The following MROH2A variants were observed in gnomAD, a reference collection of about 807,000 sequenced individuals.
MROH2A encodes maestro heat like repeat family member 2A.
In MROH2A, 174 loss-of-function variants were observed where a neutral mutation model predicts 200.4. The ratio of observed to expected loss-of-function variants is 0.87; its 90% confidence interval spans 0.77 to 0.98. The LOEUF is 0.98. Among genes scored for constraint, MROH2A ranks in the 50% least tolerant of loss-of-function variants. The pLI is 0.00. For synonymous variants in MROH2A, 829 were observed against 840.4 expected, an observed-to-expected ratio of 0.99 and a Z score of 0.23; for missense variants, 2,045 against 2,139.6, an observed-to-expected ratio of 0.96 and a Z score of 0.87.
chr2:233,804,365 C>T (rs1336621432), intron 17 of MROH2A, 130 bp from the exon 18 acceptor site: 3 of 1,306,398 alleles, frequency 2.3e-6, no homozygotes, highest in Non-Finnish European at 3.2e-6. Context: ...GAGTGCAATG[C>T]AACGTGTGAT....
rs1703999414 is a variant in MROH2A, at chr2:233,822,319, G to C, written c.3672+36G>C. On this transcript the variant is annotated intron_variant, in intron 32 of 41. Transcript: ENST00000389758. ...GGCGCAGGCCCCAAGGCTCCTCAGGGGTCTCTGGGTAGGAGCCCGATGCCC... is the reference window on the plus strand; with the variant it reads ...GGCGCAGGCCCCAAGGCTCCTCAGGCGTCTCTGGGTAGGAGCCCGATGCCC... 3 of 1,548,360 alleles carry C rather than the reference G, an allele frequency of 1.9e-6. No individual in the cohort carries two copies. In the East Asian group the frequency reaches 7.3e-5, roughly 38 times the overall value.
At position 233,800,168 on chromosome 2, in the gene MROH2A, A is replaced by G. The variant is rs774173393; in HGVS notation, c.1450-37A>G. 5 of 1,440,854 alleles carry G rather than the reference A, an allele frequency of 3.5e-6. No homozygotes were observed. In the African/African-American group the frequency reaches 7.2e-5, roughly 21 times the overall value. 89.3% of individuals were successfully genotyped at this position (1,440,854 alleles called of 1,614,324 possible). On this transcript the variant is annotated intron_variant, in intron 13 of 41. Transcript: ENST00000389758. ...CCTGAGACCACGACAAACCTCTGCT[A>G]GGCCACAGGTGGGAATCCCTTGGTT... is the stretch of plus-strand genomic sequence containing the variant.
chr2:233,788,030 T>A (rs373189167), intron 3 of MROH2A, among the ~76,000 whole-genome samples: 34 of 41,722 alleles, frequency 8.1e-4, no homozygotes, highest in South Asian at 5.0e-3. Flanking sequence ...ATACATATAT[T>A]ATATATATAC....
intron 3 of MROH2A, among the ~76,000 whole-genome samples, chr2:233,785,626 G>A (rs1701167886): frequency 6.6e-6 from 1 of 152,112 alleles, no homozygotes; most frequent in African/African-American, 2.4e-5. Flanking sequence ...TGTGGTTTCT[G>A]TAGAAAGAAA....
chr2:233,833,229 G>C lies in MROH2A; in HGVS notation c.4995G>C (p.Gly1665=), dbSNP rs1001080593. The C allele has an allele frequency of 3.7e-5, 57 of 1,550,028 alleles. No homozygotes were observed. Among genetic ancestry groups the C allele is most frequent in the Non-Finnish European group, 4.8e-5 (55 of 1,146,882 alleles). The change falls in exon 42 of 42, where the codon GGG becomes GGC. Residue 1665 remains glycine, a synonymous_variant. Coordinates refer to ENST00000389758, the MANE Select transcript of MROH2A (RefSeq NM_001394639.1). The part of the protein sequence containing the change: ...LTVLDSCSQH[G]FLASPQGMS Reference sequence around the variant, plus strand: ...TCTTGGATAGCTGTAGTCAGCATGGGTTTCTGGCTTCACCCCAAGGAATGT... The same window carrying C: ...TCTTGGATAGCTGTAGTCAGCATGGCTTTCTGGCTTCACCCCAAGGAATGT...
chr2:233,832,780 CAG>C (rs1273009970), intron 41 of MROH2A, 136 bp downstream of exon 41: 2 of 665,326 alleles, frequency 3.0e-6, no homozygotes, highest in Non-Finnish European at 2.6e-6. Context: ...GCAACCAGGG[CAG>C]AGAGATGCAC....
Position 233,829,751 on chromosome 2 carries a change from G to T in MROH2A, c.4578G>T (p.Gln1526His). Residue 1526 changes from glutamine (Q) to histidine (H), a missense_variant, in exon 38 of 42, where the codon CAG (glutamine) becomes CAT (histidine). Gln to His is a conservative substitution (Grantham distance 24). Coordinates refer to ENST00000389758, the MANE Select transcript of MROH2A (RefSeq NM_001394639.1). ...GGATCCCCCTCATGCTGCACTCCCA[G>T]GACCCCTGCTCCAATGCAGCCCAAG... Reference protein sequence around the residue: ...KAWIPLMLHSQDPCSNAAQAC... With the variant: ...KAWIPLMLHSHDPCSNAAQAC... The T allele has an allele frequency of 7.0e-7, 1 of 1,430,772 alleles. No homozygotes were observed. The allele number at this position is 1,430,772 out of a possible 1,614,324, so 88.6% of individuals were successfully genotyped here.
chr2:233,817,882 C>T, intron 27 of MROH2A, 120 bp from the exon 28 acceptor site: 6 of 1,250,752 alleles, frequency 4.8e-6, no homozygotes, highest in African/African-American at 1.5e-5. Flanking sequence ...CTCCCCTTCC[C>T]CAAATGGGTG....
rs1167742911 is a variant in MROH2A at position 233,795,957 on chromosome 2, C to A, written c.1060-10C>A. On this transcript the variant is annotated splice_polypyrimidine_tract_variant and intron_variant, in intron 9 of 41. Coordinates refer to ENST00000389758, the MANE Select transcript of MROH2A (RefSeq NM_001394639.1). ...GATCTCCTCCAGCCTCACTGCACGT[C>A]CCTCACCAGGTGTGCAACAAGGCCC... The A allele has an allele frequency of 2.1e-5, 33 of 1,550,172 alleles. No individual in the cohort carries two copies. Among genetic ancestry groups the A allele is most frequent in the Non-Finnish European group, 2.8e-5 (32 of 1,146,788 alleles).
At chr2:233,794,040 G>A (rs970805809) in intron 7 of MROH2A, among the ~76,000 whole-genome samples, 3 of 152,180 alleles carry the variant, frequency 2.0e-5, no homozygotes, top group African/African-American at 2.4e-5. Flanking sequence ...ATGAAGGTTG[G>A]TGATAATCCT....
At chr2:233,819,512 C>T in intron 30 of MROH2A, 43 bp downstream of exon 30, 3 of 1,537,434 alleles carry the variant, frequency 2.0e-6, no homozygotes, top group Non-Finnish European at 2.6e-6. Flanking sequence ...GGGGCTGGGG[C>T]TGCCTGGTGT....
At chr2:233,780,619 T>C (rs1292402813) in intron 3 of MROH2A, among the ~76,000 whole-genome samples, 2 of 152,230 alleles carry the variant, frequency 1.3e-5, no homozygotes, top group Admixed American at 6.5e-5. Flanking sequence ...ATAACAATTG[T>C]ACATATTTAT....
chr2:233,789,833 C>T lies in MROH2A; in HGVS notation c.409-19C>T, dbSNP rs1019014657. ...CCGGCTGGTGGTGGTGCCATATGTCCCTCTTCTGTCTCCTGCAGATGGAGG... is the reference window on the plus strand; with the variant it reads ...CCGGCTGGTGGTGGTGCCATATGTCTCTCTTCTGTCTCCTGCAGATGGAGG... On this transcript the variant is annotated intron_variant, in intron 4 of 41. Transcript: ENST00000389758. The T allele has an allele frequency of 1.3e-6, 2 of 1,542,778 alleles. No individual in the cohort carries two copies. The highest frequency in any genetic ancestry group is 2.7e-5 in the African/African-American group (2 of 72,890).
At chr2:233,827,219 T>A (rs979581732) in intron 35 of MROH2A, among the ~76,000 whole-genome samples, 4 of 152,252 alleles carry the variant, frequency 2.6e-5, no homozygotes, top group Non-Finnish European at 5.9e-5. Flanking sequence ...ATCCCATTAC[T>A]GGGCATATAC....
In MROH2A at chr2:233,831,537, C is replaced by T; in HGVS notation, c.4731C>T (p.Ile1577=). The change falls in exon 39 of 42, where the codon ATC becomes ATT. Residue 1577 remains isoleucine, a synonymous_variant. Coordinates refer to ENST00000389758, the MANE Select transcript of MROH2A (RefSeq NM_001394639.1). The part of the protein sequence containing the change: ...MTVFQTTMCS[I]LTRKKPAVLY... ...TTTTCCAGACAACCATGTGCTCCAT[C>T]CTGGTGAGGAAGCCAAAGGGGGAAC... is the stretch of plus-strand genomic sequence containing the variant. 1 of 1,549,464 alleles carries T rather than the reference C, an allele frequency of 6.5e-7. No homozygotes were observed. Among genetic ancestry groups the T allele is most frequent in the Non-Finnish European group, 8.7e-7 (1 of 1,146,472 alleles).
rs749728843 is a variant in MROH2A, at chr2:233,795,740, G to A, written c.1054G>A (p.Val352Ile). Residue 352 changes from valine (V) to isoleucine (I), a missense_variant, in exon 9 of 42, where the codon GTC (valine) becomes ATC (isoleucine). Val to Ile is a conservative substitution (Grantham distance 29, BLOSUM62 3). This residue lies in a region of MROH2A where 831 missense variants were observed against 800.0 expected (regional missense o/e 1.04). Coordinates refer to ENST00000389758, the MANE Select transcript of MROH2A (RefSeq NM_001394639.1). ...QLHTIFTELH[V>I]QVCNKAPAQH... ...ACACACCATTTTCACAGAACTGCAC[G>A]TCCAGGTGAGGCCAGCAAGCTCAGC... The A allele has an allele frequency of 1.0e-4, 158 of 1,550,950 alleles. No homozygotes were observed. Among genetic ancestry groups the A allele is most frequent in the South Asian group, 5.7e-4 (48 of 84,058 alleles).
rs748469745 is a variant in MROH2A at position 233,779,782 on chromosome 2, T to C, written c.206T>C (p.Ile69Thr). ...CGGAAGACCCTGGCCTCGGTGATAA[T>C]CATGGAGAAGGCCACCACTGAGCCT... ...DMRKTLASVI[I>T]MEKATTEPSV... Residue 69 changes from isoleucine (I) to threonine (T), a missense_variant, in exon 3 of 42, where the codon ATC (isoleucine) becomes ACC (threonine). Physicochemically the swap from Ile to Thr is moderately conservative, Grantham distance 89. Around this residue, in one of 3 missense-constraint regions of MROH2A, gnomAD observed 831 missense variants for 800.0 expected, o/e 1.04. Transcript: ENST00000389758. 2 of 1,550,756 alleles carry C rather than the reference T, an allele frequency of 1.3e-6. No homozygotes were observed. Among genetic ancestry groups the C allele is most frequent in the South Asian group, 2.4e-5 (2 of 84,050 alleles).
intron 41 of MROH2A, among the ~76,000 whole-genome samples, chr2:233,832,924 TTC>T (rs1323515673): frequency 6.6e-6 from 1 of 152,198 alleles, no homozygotes; most frequent in Non-Finnish European, 1.5e-5. Context: ...TGTGGGTGAT[TTC>T]TGTCCCTGTT....
At chr2:233,824,221 C>T (rs1031320322) in intron 35 of MROH2A, among the ~76,000 whole-genome samples, 10 of 152,192 alleles carry the variant, frequency 6.6e-5, no homozygotes, top group African/African-American at 2.4e-4. Flanking sequence ...GTGGGCATGA[C>T]GGTGTCAACA....
Sources: allele counts gnomAD v4.1 joint callset (sites outside exome capture counted in the v4.1 genomes callset), GRCh38; gene constraint gnomAD v4.1.1; regional missense constraint gnomAD v4.1.1; transcripts MANE v1.5; gene names NCBI Gene and HGNC (gene_info 2026-07-23, HGNC 2026-07-21).